Variants in SAFB2 observed in about 807,000 individuals in gnomAD.
The protein encoded by SAFB2 is scaffold attachment factor B2.
Under a neutral mutation model 100.6 loss-of-function variants are expected in SAFB2, and 32 were observed. The ratio of observed to expected loss-of-function variants is 0.32; its 90% CI spans 0.24 to 0.43. The LOEUF (loss-of-function observed/expected upper bound fraction) is 0.43. Ranked by LOEUF, SAFB2 falls within the 20% of genes least tolerant of loss-of-function variation. SAFB2 has a pLI of 1.00. For synonymous variants in SAFB2, 500 were observed against 439.4 expected, an observed-to-expected ratio of 1.14 and a Z score of -1.72; for missense variants, 1,185 against 1,163.4, an observed-to-expected ratio of 1.02 and a Z score of -0.27.
intron 2 of SAFB2, among the ~76,000 whole-genome samples, chr19:5,617,960 A>C (rs2053067078): frequency 6.6e-6 from 1 of 152,128 alleles, no homozygotes; most frequent in East Asian, 1.9e-4. Flanking sequence ...TCGGGCAACA[A>C]AGTGAGACCC....
Position 5,594,091 on chromosome 19 carries a change from C to A in SAFB2, c.2007G>T (p.Gln669His). Reference protein sequence around the residue: ...EKARLQRERLQLECQRQRLER... With the variant: ...EKARLQRERLHLECQRQRLER... ...CCAGCCGCTGGCGCTGGCACTCGAG[C>A]TGCAGGCGTTCCCGCTGTAGCCGGG... The change falls in exon 15 of 21, where the codon CAG becomes CAT. Residue 669 changes from glutamine to histidine, a missense_variant. Coordinates refer to ENST00000252542, the MANE Select transcript of SAFB2 (RefSeq NM_014649.3). 1.9e-6 allele frequency: 3 copies of A among 1,599,038 alleles called. No homozygotes were observed. Among genetic ancestry groups the A allele is most frequent in the Non-Finnish European group, 2.5e-6 (3 of 1,177,366 alleles).
chr19:5,592,402 A>G lies in SAFB2; in HGVS notation c.2348+345T>C, dbSNP rs112170267. The stretch of plus-strand genomic sequence containing the variant: ...TCATGAGAAATTTTGCACGTCCTCC[A>G]TCAATTCTCTGGTAGCTCTTGGGCA... On this transcript the variant is annotated intron_variant, in intron 16 of 20. Coordinates refer to ENST00000252542, the MANE Select transcript of SAFB2 (RefSeq NM_014649.3). Among the ~76,000 whole-genome samples, 357 of 152,330 alleles carry G rather than the reference A, an allele frequency of 2.3e-3. 3 individuals are homozygous for G. The highest frequency in any genetic ancestry group is 7.7e-3 in the African/African-American group (320 of 41,584).
chr19:5,621,222 C>A (rs2053134447), intron 2 of SAFB2, 87 bp downstream of exon 2: 5 of 882,926 alleles, frequency 5.7e-6, no homozygotes, highest in Non-Finnish European at 9.6e-6. Context: ...AGAAATTCTC[C>A]CAGCCTAGAA....
At chr19:5,601,383 T>C (rs2052653319) in intron 11 of SAFB2, among the ~76,000 whole-genome samples, 2 of 152,108 alleles carry the variant, frequency 1.3e-5, no homozygotes, top group Admixed American at 1.3e-4. Context: ...CTTCATACAC[T>C]GCTTACTTTT....
chr19:5,606,722 A>AAT (rs2052782003), intron 9 of SAFB2, among the ~76,000 whole-genome samples: 1 of 152,240 alleles, frequency 6.6e-6, no homozygotes, highest in Admixed American at 6.5e-5. Context: ...ACAAAGATTA[A>AAT]ATTAACCTAG....
intron 11 of SAFB2, among the ~76,000 whole-genome samples, chr19:5,603,404 G>A (rs143119584): frequency 1.4e-4 from 21 of 152,224 alleles, no homozygotes; most frequent in African/African-American, 4.8e-4. Flanking sequence ...CGTTGACAAC[G>A]TAAACTTAAG....
chr19:5,616,624 TTTTG>T, intron 2 of SAFB2, 138 bp from the exon 3 acceptor site: 1 of 699,676 alleles, frequency 1.4e-6, no homozygotes, highest in Admixed American at 2.7e-5. Context: ...TCACACGTAA[TTTTG>T]TCTCAATTTG....
intron 12 of SAFB2, among the ~76,000 whole-genome samples, chr19:5,599,857 A>C (rs546505409): frequency 2.6e-5 from 4 of 152,306 alleles, no homozygotes; most frequent in African/African-American, 7.2e-5. Context: ...CCCACACTAC[A>C]ATCAGCCAAA....
chr19:5,592,650 G>T, intron 16 of SAFB2, 97 bp downstream of exon 16: 1 of 1,399,254 alleles, frequency 7.1e-7, no homozygotes, highest in Non-Finnish European at 9.9e-7. Flanking sequence ...AGGCTTCAGA[G>T]CACACAGGAA....
In SAFB2 at chr19:5,613,530, G is replaced by GA; in HGVS notation, c.544-4dup. 6.2e-7 allele frequency: 1 copy of GA among 1,613,388 alleles called. No homozygotes were observed. Among genetic ancestry groups the GA allele is most frequent in the Non-Finnish European group, 8.5e-7 (1 of 1,179,682 alleles). ...TTCTTAAATCCTTCCCCATCCACCT[G>GA]AAAAACAAAATGGAAGATGACTTCG... On this transcript the variant is annotated splice_polypyrimidine_tract_variant and splice_region_variant and intron_variant, in intron 4 of 20. Coordinates refer to ENST00000252542, the MANE Select transcript of SAFB2 (RefSeq NM_014649.3).
chr19:5,601,985 A>C (rs917124808), intron 11 of SAFB2, among the ~76,000 whole-genome samples: 1 of 152,176 alleles, frequency 6.6e-6, no homozygotes, highest in Non-Finnish European at 1.5e-5. Context: ...CCACTCATCC[A>C]AGATGGCAAA....
intron 13 of SAFB2, 67 bp downstream of exon 13, chr19:5,598,726 G>A (rs529340578): frequency 3.0e-5 from 42 of 1,408,646 alleles, no homozygotes; most frequent in Admixed American, 2.7e-4. Context: ...TTCATAATGC[G>A]GATCAAACGG....
rs761354465 is a variant in SAFB2, at chr19:5,587,445, G to A, written c.2706-46C>T. ...TTTTTTTCCCCTTGAAGTGCTCAGC[G>A]TTTTCATCGTAACATGGGTTCAGTA... is the stretch of plus-strand genomic sequence containing the variant. On this transcript the variant is annotated intron_variant, in intron 20 of 20. Coordinates refer to ENST00000252542, the MANE Select transcript of SAFB2 (RefSeq NM_014649.3). The surrounding 1 kb of genome is among the most constrained non-coding windows in gnomAD (Gnocchi z 4.9). 16 of 1,560,280 alleles carry A rather than the reference G, an allele frequency of 1.0e-5. No individual in the cohort carries two copies. The highest frequency in any genetic ancestry group is 4.1e-5 in the African/African-American group (3 of 73,876).
At chr19:5,598,357 T>C (rs770298535) in intron 13 of SAFB2, 4 of 178,444 alleles carry the variant, frequency 2.2e-5, no homozygotes, top group South Asian at 2.6e-4. Context: ...CAGCTCTTGA[T>C]CTGATAACAT....
rs77227520 is a variant in SAFB2 at position 5,618,461 on chromosome 19, T to C, written c.275-1975A>G. ...ATCAATAATCACTCAAGAAATGCAG[T>C]TTAATTGCATGTCTCGCAACGTGAG... is the stretch of plus-strand genomic sequence containing the variant. On this transcript the variant is annotated intron_variant, in intron 2 of 20. Coordinates refer to ENST00000252542, the MANE Select transcript of SAFB2 (RefSeq NM_014649.3). Among the ~76,000 whole-genome samples, 600 of 152,314 alleles carry C rather than the reference T, an allele frequency of 3.9e-3. 1 individual carries two copies. The highest frequency in any genetic ancestry group is 0.014 in the African/African-American group (569 of 41,572).
chr19:5,587,217 A>C lies in SAFB2; in HGVS notation c.*26T>G, dbSNP rs537084324. The C allele has an allele frequency of 1.9e-6, 3 of 1,606,514 alleles. No homozygotes were observed. The highest frequency in any genetic ancestry group is 2.7e-5 in the African/African-American group (2 of 74,852). ...ACCAGATTCAACAGTGCGTCTGCCC[A>C]CCCGAAAACTCGCAGCGAGTGGGAC... On this transcript the variant is annotated 3_prime_UTR_variant, in exon 21 of 21. Transcript: ENST00000252542. The surrounding 1 kb of genome is among the most constrained non-coding windows in gnomAD (Gnocchi z 4.9).
At position 5,610,633 on chromosome 19, in the gene SAFB2, T is replaced by A. The variant is rs2052889602; in HGVS notation, c.1195+6A>T. 6.4e-7 allele frequency: 1 copy of A among 1,565,350 alleles called. No homozygotes were observed. The highest frequency in any genetic ancestry group is 1.4e-5 in the African/African-American group (1 of 73,546). On this transcript the variant is annotated splice_donor_region_variant and intron_variant, in intron 8 of 20. Transcript: ENST00000252542. ...TGGCTCCCTACCACGTTAAATTAAATCATACCTTTTTCATCTTTAATGATT... is the reference window on the plus strand; with the variant it reads ...TGGCTCCCTACCACGTTAAATTAAAACATACCTTTTTCATCTTTAATGATT...
At chr19:5,595,685 C>T (rs2052521854) in intron 13 of SAFB2, among the ~76,000 whole-genome samples, 188 bp from the exon 14 acceptor site, 1 of 152,208 alleles carries the variant, frequency 6.6e-6, no homozygotes, top group Admixed American at 6.5e-5. Flanking sequence ...ACTGCCTAAT[C>T]CAGAATCCTG....
At chr19:5,606,927 G>C (rs2052786824) in intron 9 of SAFB2, among the ~76,000 whole-genome samples, 2 of 152,152 alleles carry the variant, frequency 1.3e-5, no homozygotes, top group South Asian at 4.1e-4. Context: ...ACCTGGTGAG[G>C]TGAACATGAT....
Sources: gnomAD v4.1 joint callset for allele counts (sites outside exome capture counted in the v4.1 genomes callset) on GRCh38, gnomAD v4.1.1 for gene constraint, Gnocchi (gnomAD v3.1) non-coding constraint, MANE v1.5 for transcripts, NCBI Gene and HGNC (gene_info 2026-07-23, HGNC 2026-07-21) for gene names.